The following UNC5C variants were observed in gnomAD, a reference collection of about 807,000 sequenced individuals.
UNC5C encodes unc-5 netrin receptor C, also known as netrin receptor UNC5C.
In UNC5C, 47 loss-of-function variants were observed where a neutral mutation model predicts 99.8. The ratio of observed to expected loss-of-function variants is 0.47; its 90% CI spans 0.37 to 0.60. The LOEUF is 0.60. Ranked by LOEUF, UNC5C falls within the 20% of genes least tolerant of loss-of-function variation. UNC5C has a pLI of 0.00. For synonymous variants in UNC5C, 487 were observed against 452.2 expected (o/e 1.08, Z -0.98); for missense variants, 1,062 against 1,165.9 (o/e 0.91, Z 1.30).
At chr4:95,478,024 AC>A (rs1370188660) in intron 1 of UNC5C, among the ~76,000 whole-genome samples, 1 of 151,968 alleles carries the variant, frequency 6.6e-6, no homozygotes, top group African/African-American at 2.4e-5. Flanking sequence ...TAAGTACTCA[AC>A]AAAATGTTAT....
chr4:95,440,387 A>C (rs1380410937), intron 1 of UNC5C, among the ~76,000 whole-genome samples: 1 of 152,206 alleles, frequency 6.6e-6, no homozygotes, highest in Non-Finnish European at 1.5e-5. Flanking sequence ...TAAGAAATTC[A>C]AACAAAACAG....
At chr4:95,480,402 A>G (rs1472746327) in intron 1 of UNC5C, among the ~76,000 whole-genome samples, 1 of 151,896 alleles carries the variant, frequency 6.6e-6, no homozygotes, top group African/African-American at 2.4e-5. Context: ...GTCTAAAAAT[A>G]CTAGTTGTCA....
chr4:95,434,526 T>G (rs996257626), intron 1 of UNC5C, among the ~76,000 whole-genome samples: 1 of 152,070 alleles, frequency 6.6e-6, no homozygotes, highest in Non-Finnish European at 1.5e-5. Flanking sequence ...GGAATAGATC[T>G]TAGCTTTATA....
intron 2 of UNC5C, among the ~76,000 whole-genome samples, chr4:95,326,218 A>G (rs1274242814): frequency 6.6e-6 from 1 of 152,076 alleles, no homozygotes; most frequent in East Asian, 1.9e-4. Context: ...TGGAACTTTT[A>G]TTTTTGTTGT....
chr4:95,412,425 G>A lies in UNC5C; in HGVS notation c.125-76794C>T, dbSNP rs548848389. On this transcript the variant is annotated intron_variant, in intron 1 of 15. Coordinates refer to ENST00000453304, the MANE Select transcript of UNC5C (RefSeq NM_003728.4). The stretch of plus-strand genomic sequence containing the variant: ...CACACTTGATGGCAATCTCATGTTA[G>A]GTCCCCTCCAATCCTAGACTGGAAG... Among the ~76,000 whole-genome samples, 16 of 151,906 alleles carry A rather than the reference G, an allele frequency of 1.1e-4. No individual in the cohort carries two copies. In the South Asian group the frequency reaches 1.2e-3, roughly 12 times the overall value.
At chr4:95,199,568 C>A (rs573025586) in intron 12 of UNC5C, among the ~76,000 whole-genome samples, 4 of 152,278 alleles carry the variant, frequency 2.6e-5, no homozygotes, top group African/African-American at 9.6e-5. Context: ...ATCACTCTTT[C>A]TCACTATTGA....
chr4:95,258,537 A>C (rs1044250990), intron 4 of UNC5C, among the ~76,000 whole-genome samples: 1 of 152,256 alleles, frequency 6.6e-6, no homozygotes, highest in Non-Finnish European at 1.5e-5. Context: ...ATAATGTTCA[A>C]ACAATTTCTG....
rs142798476 is a variant in UNC5C at position 95,498,684 on chromosome 4, A to C, written c.124+50050T>G. Among the ~76,000 whole-genome samples, 939 of 140,724 alleles carry C rather than the reference A, an allele frequency of 6.7e-3. 12 individuals carry two copies. Among genetic ancestry groups the C allele is most frequent in the African/African-American group, 0.023 (876 of 38,580 alleles). 92.3% of individuals were successfully genotyped at this position (140,724 alleles called of 152,430 possible). On this transcript the variant is annotated intron_variant, in intron 1 of 15. Coordinates refer to ENST00000453304, the MANE Select transcript of UNC5C (RefSeq NM_003728.4). Reference sequence around the variant, plus strand: ...TTTTATCGTTTTATTCCTTCCAAAAATGTTTTCAGATTGGAACATACAGTG... The same window carrying C: ...TTTTATCGTTTTATTCCTTCCAAAACTGTTTTCAGATTGGAACATACAGTG...
intron 5 of UNC5C, among the ~76,000 whole-genome samples, chr4:95,249,267 G>A (rs75910447): frequency 0.01 from 1,523 of 152,258 alleles, 25 homozygotes; most frequent in African/African-American, 0.033. Flanking sequence ...CCATCATTAA[G>A]TGACACATGA....
At chr4:95,335,014 T>G (rs1322976189) in intron 2 of UNC5C, among the ~76,000 whole-genome samples, 2 of 152,002 alleles carry the variant, frequency 1.3e-5, no homozygotes, top group Non-Finnish European at 2.9e-5. Context: ...CATTAGACAT[T>G]AATGTAAACA....
intron 12 of UNC5C, among the ~76,000 whole-genome samples, chr4:95,200,131 C>G (rs1454113448): frequency 6.6e-6 from 1 of 152,196 alleles, no homozygotes; most frequent in South Asian, 2.1e-4. Flanking sequence ...ACAGTCTTTT[C>G]CCCTGGAGCC....
At chr4:95,386,722 C>A (rs1745220848) in intron 1 of UNC5C, among the ~76,000 whole-genome samples, 1 of 152,138 alleles carries the variant, frequency 6.6e-6, no homozygotes, top group Admixed American at 6.5e-5. Context: ...GCAGGAGACA[C>A]CATGGCCATA....
chr4:95,250,408 A>C (rs1739654579), intron 5 of UNC5C, 79 bp downstream of exon 5: 1 of 1,432,088 alleles, frequency 7.0e-7, no homozygotes, highest in African/African-American at 1.4e-5. Context: ...TTTTAAAAAA[A>C]GGGCTTCTAG....
chr4:95,227,017 C>T (rs999294915), intron 7 of UNC5C, among the ~76,000 whole-genome samples: 1 of 152,012 alleles, frequency 6.6e-6, no homozygotes, highest in Non-Finnish European at 1.5e-5. Context: ...ACAGGCATGG[C>T]GTTCAGGGAA....
At chr4:95,402,905 T>C (rs1446464487) in intron 1 of UNC5C, among the ~76,000 whole-genome samples, 4 of 152,242 alleles carry the variant, frequency 2.6e-5, no homozygotes, top group Admixed American at 6.5e-5. Context: ...ACATTTCTTC[T>C]ATGGTCCTAA....
intron 1 of UNC5C, among the ~76,000 whole-genome samples, chr4:95,487,824 T>G (rs1006659799): frequency 6.6e-6 from 1 of 151,802 alleles, no homozygotes; most frequent in Non-Finnish European, 1.5e-5. Flanking sequence ...ACTATAGCCT[T>G]AGTTTCTTAT....
chr4:95,442,413 G>A (rs1305907328), intron 1 of UNC5C, among the ~76,000 whole-genome samples: 3 of 117,072 alleles, frequency 2.6e-5, no homozygotes, highest in African/African-American at 1.0e-4. Context: ...TCACTATGTT[G>A]CCCAGGCTGG....
At chr4:95,318,987 TTCGC>T (rs1291819721) in intron 2 of UNC5C, among the ~76,000 whole-genome samples, 1 of 152,198 alleles carries the variant, frequency 6.6e-6, no homozygotes, top group Non-Finnish European at 1.5e-5. Flanking sequence ...CCTCCTCTCT[TTCGC>T]TCCCTCCAGA....
chr4:95,368,524 G>A lies in UNC5C; in HGVS notation c.125-32893C>T, dbSNP rs913410557. ...CTGATGACAGCTAATGTATATTTAT[G>A]ATGCACTTCATTAAACCCTGTGACT... On this transcript the variant is annotated intron_variant, in intron 1 of 15. Coordinates refer to ENST00000453304, the MANE Select transcript of UNC5C (RefSeq NM_003728.4). Among the ~76,000 whole-genome samples the A allele has an allele frequency of 3.9e-5, 6 of 152,112 alleles. No homozygotes were observed. In the South Asian group the frequency reaches 6.2e-4, roughly 16 times the overall value.
Sources: gnomAD v4.1 joint callset for allele counts (sites outside exome capture counted in the v4.1 genomes callset) on GRCh38, gnomAD v4.1.1 for gene constraint, MANE v1.5 for transcripts, NCBI Gene and HGNC (gene_info 2026-07-23, HGNC 2026-07-21) for gene names.